SORCS1: variants seen among roughly 807,000 people sequenced by gnomAD.
SORCS1 encodes VPS10 domain-containing receptor SorCS1.
Under a neutral mutation model 146.1 loss-of-function variants are expected in SORCS1, and 60 were observed. The ratio of observed to expected loss-of-function variants is 0.41; its 90% CI spans 0.33 to 0.51. SORCS1 has a LOEUF of 0.51. Ranked by LOEUF, SORCS1 falls within the 20% of genes least tolerant of loss-of-function variation. The pLI is 0.21. For synonymous variants in SORCS1, 637 were observed against 584.0 expected (o/e 1.09, Z -1.31); for missense variants, 1,352 against 1,487.6 (o/e 0.91, Z 1.50).
chr10:107,026,395 G>A lies in SORCS1; in HGVS notation c.559-69815C>T, dbSNP rs182514175. Among the ~76,000 whole-genome samples, 18 of 152,200 alleles carry A rather than the reference G, an allele frequency of 1.2e-4. No homozygotes were observed. In the East Asian group the frequency reaches 1.6e-3, roughly 13 times the overall value. On this transcript the variant is annotated intron_variant, in intron 1 of 25. Transcript: ENST00000263054. Reference sequence around the variant, plus strand: ...AGTACTTTGGGAGGCTGAGGCAGGCGGATCATGAGGTCAGGAGATCGAGAC... The same window carrying A: ...AGTACTTTGGGAGGCTGAGGCAGGCAGATCATGAGGTCAGGAGATCGAGAC...
intron 8 of SORCS1, among the ~76,000 whole-genome samples, chr10:106,703,716 T>C (rs1468560136): frequency 6.6e-6 from 1 of 152,228 alleles, no homozygotes; most frequent in East Asian, 1.9e-4. Context: ...GCTTTGTTCA[T>C]TTCCAGTTGC....
intron 1 of SORCS1, among the ~76,000 whole-genome samples, chr10:107,121,042 T>C (rs1384538124): frequency 6.6e-6 from 1 of 152,202 alleles, no homozygotes; most frequent in African/African-American, 2.4e-5. Context: ...GAAGGTAACA[T>C]GGCACAGTGA....
intron 1 of SORCS1, among the ~76,000 whole-genome samples, chr10:107,009,970 C>G (rs1957625473): frequency 6.6e-6 from 1 of 152,124 alleles, no homozygotes; most frequent in Non-Finnish European, 1.5e-5. Flanking sequence ...AGTAGAAAAA[C>G]TGAAGTATAT....
chr10:106,579,311 C>T (rs771598206), intron 25 of SORCS1, 58 bp downstream of exon 25: 4 of 1,613,936 alleles, frequency 2.5e-6, no homozygotes, highest in Admixed American at 3.3e-5. Context: ...TGCTTCTGAA[C>T]CTGTCAGGGA....
chr10:107,021,948 T>C (rs923346543), intron 1 of SORCS1, among the ~76,000 whole-genome samples: 2 of 152,228 alleles, frequency 1.3e-5, no homozygotes, highest in African/African-American at 4.8e-5. Flanking sequence ...AGAGAAATGA[T>C]ATTGTCACAA....
upstream of SORCS1, among the ~76,000 whole-genome samples, chr10:107,167,333 A>C (rs1970076698): frequency 1.3e-5 from 2 of 152,220 alleles, no homozygotes; most frequent in Non-Finnish European, 2.9e-5. Context: ...TTTCAATCCA[A>C]CAACCCACTA....
chr10:106,794,542 G>A (rs1243430845), intron 3 of SORCS1, among the ~76,000 whole-genome samples: 2 of 132,036 alleles, frequency 1.5e-5, no homozygotes, highest in East Asian at 2.2e-4. Flanking sequence ...TCGCACTGTC[G>A]CCCAGGCTGG....
intron 1 of SORCS1, among the ~76,000 whole-genome samples, chr10:107,098,802 T>A (rs1310976145): frequency 6.6e-6 from 1 of 152,224 alleles, no homozygotes; most frequent in Non-Finnish European, 1.5e-5. Context: ...TCTCATGTAT[T>A]ACTCTGGGAA....
intron 5 of SORCS1, among the ~76,000 whole-genome samples, chr10:106,744,420 G>T (rs1172197263): frequency 6.6e-6 from 1 of 151,964 alleles, no homozygotes; most frequent in Admixed American, 6.6e-5. Flanking sequence ...GTTACTTTTA[G>T]ACATGATGCT....
chr10:107,106,453 T>C (rs1449251525), intron 1 of SORCS1, among the ~76,000 whole-genome samples: 4 of 152,212 alleles, frequency 2.6e-5, no homozygotes, highest in East Asian at 1.9e-4. Context: ...GACAACTACC[T>C]ATTTATTCTG....
intron 2 of SORCS1, among the ~76,000 whole-genome samples, chr10:106,904,908 C>T (rs927284169): frequency 1.3e-5 from 2 of 152,046 alleles, no homozygotes; most frequent in African/African-American, 4.8e-5. Context: ...AAATGCCCTA[C>T]AAAAACTATT....
At chr10:107,161,612 C>T (rs1307144359) in intron 1 of SORCS1, among the ~76,000 whole-genome samples, 2 of 152,068 alleles carry the variant, frequency 1.3e-5, no homozygotes, top group African/African-American at 4.8e-5. Flanking sequence ...AGCGGACACT[C>T]AACTTGCCTC....
chr10:107,164,913 G>T (rs2134969894), upstream of SORCS1, among the ~76,000 whole-genome samples: 1 of 148,640 alleles, frequency 6.7e-6, no homozygotes, highest in Admixed American at 6.7e-5. The surrounding 1 kb of genome is among the most constrained non-coding windows in gnomAD (Gnocchi z 6.8). Flanking sequence ...ACCTCCCCTC[G>T]GCCTCGCAGG....
intron 18 of SORCS1, among the ~76,000 whole-genome samples, chr10:106,643,820 C>T (rs1027459526): frequency 4.6e-5 from 7 of 152,184 alleles, no homozygotes; most frequent in Admixed American, 6.5e-5. Context: ...AGGCCTCTGT[C>T]CCTGAAGTGT....
intron 1 of SORCS1, among the ~76,000 whole-genome samples, chr10:107,093,395 C>T (rs1236607414): frequency 6.6e-6 from 1 of 152,176 alleles, no homozygotes; most frequent in Non-Finnish European, 1.5e-5. Context: ...AGTCTTTCGG[C>T]CAGGCGTGGT....
intron 2 of SORCS1, among the ~76,000 whole-genome samples, chr10:106,900,867 C>T (rs906242603): frequency 6.6e-6 from 1 of 152,150 alleles, no homozygotes; most frequent in Non-Finnish European, 1.5e-5. Flanking sequence ...GGAGCTGAGG[C>T]ACAGATAGGT....
intron 2 of SORCS1, among the ~76,000 whole-genome samples, chr10:106,949,682 G>C (rs1954572927): frequency 6.6e-6 from 1 of 152,144 alleles, no homozygotes; most frequent in African/African-American, 2.4e-5. Context: ...CACTTGCTTT[G>C]TGCCCCTCCA....
intron 3 of SORCS1, among the ~76,000 whole-genome samples, chr10:106,817,403 A>C (rs1265703359): frequency 6.6e-6 from 1 of 152,128 alleles, no homozygotes; most frequent in African/African-American, 2.4e-5. Flanking sequence ...AGTACTAATC[A>C]TTGGAACACC....
intron 13 of SORCS1, among the ~76,000 whole-genome samples, chr10:106,676,631 CCT>C (rs1332330835): frequency 9.3e-5 from 14 of 150,162 alleles, no homozygotes; most frequent in Non-Finnish European, 1.2e-4. Flanking sequence ...TAAAACTCTC[CCT>C]CTCTCTCTCT....
Sources: gnomAD v4.1 joint callset for allele counts (sites outside exome capture counted in the v4.1 genomes callset) on GRCh38, gnomAD v4.1.1 for gene constraint, Gnocchi (gnomAD v3.1) non-coding constraint, MANE v1.5 for transcripts, NCBI Gene and HGNC (gene_info 2026-07-23, HGNC 2026-07-21) for gene names.